The following SLC24A2 variants were observed in gnomAD, a reference collection of about 807,000 sequenced individuals.
SLC24A2 encodes sodium/potassium/calcium exchanger 2.
SLC24A2 carries 36 observed loss-of-function variants against 62.0 expected under a neutral mutation model. The observed-to-expected ratio is 0.58, with a 90% CI of 0.44 to 0.77. The LOEUF is 0.77. Ranked by LOEUF, SLC24A2 falls within the 30% of genes least tolerant of loss-of-function variation. The pLI is 0.00. For synonymous variants in SLC24A2, 358 were observed against 294.0 expected (o/e 1.22, Z -2.23); for missense variants, 846 against 817.9 (o/e 1.03, Z -0.42).
chr9:19,757,877 T>C (rs895277641), intron 2 of SLC24A2, among the ~76,000 whole-genome samples: 2 of 152,030 alleles, frequency 1.3e-5, no homozygotes, highest in African/African-American at 4.8e-5. Context: ...CTCTTGAGAA[T>C]AGATTAGTTC....
chr9:20,195,509 G>C, the SLC24A2 span, among the ~76,000 whole-genome samples: 2 of 152,038 alleles, frequency 1.3e-5, no homozygotes, highest in African/African-American at 4.8e-5. Context: ...TAAATCTTTA[G>C]TCTGTTTTTT....
chr9:20,261,814 A>G, the SLC24A2 span, among the ~76,000 whole-genome samples: 1 of 125,448 alleles, frequency 8.0e-6, no homozygotes, highest in Non-Finnish European at 1.5e-5. Flanking sequence ...ATCTCGGCTC[A>G]CTGCAAGCTC....
At chr9:19,876,760 G>A in the SLC24A2 span, among the ~76,000 whole-genome samples, 1 of 152,044 alleles carries the variant, frequency 6.6e-6, no homozygotes, top group Non-Finnish European at 1.5e-5. Flanking sequence ...GGGACACCTT[G>A]AAACACAAAG....
chr9:20,132,160 G>T, the SLC24A2 span, among the ~76,000 whole-genome samples: 1 of 151,934 alleles, frequency 6.6e-6, no homozygotes, highest in Non-Finnish European at 1.5e-5. Context: ...ACCTACTCCT[G>T]TCTTTAGATC....
the SLC24A2 span, among the ~76,000 whole-genome samples, chr9:20,110,252 T>TA: frequency 0.12 from 17,502 of 152,094 alleles, 1,316 homozygotes; most frequent in Admixed American, 0.24. Flanking sequence ...TTTTAGTTGC[T>TA]ATATTAAAGC....
chr9:19,755,696 ACTT>A (rs1172758142), intron 2 of SLC24A2, among the ~76,000 whole-genome samples: 1 of 152,074 alleles, frequency 6.6e-6, no homozygotes, highest in Non-Finnish European at 1.5e-5. Context: ...GCAAAGCAAC[ACTT>A]CTTAAGTCCA....
At chr9:20,083,602 A>G in the SLC24A2 span, among the ~76,000 whole-genome samples, 1 of 152,242 alleles carries the variant, frequency 6.6e-6, no homozygotes, top group African/African-American at 2.4e-5. Context: ...AGTGTCTGGA[A>G]ATCATTTTAA....
At chr9:20,050,115 TAC>T in the SLC24A2 span, among the ~76,000 whole-genome samples, 1 of 151,876 alleles carries the variant, frequency 6.6e-6, no homozygotes, top group African/African-American at 2.4e-5. Context: ...CCACCAAACA[TAC>T]ACACACAGAG....
Position 19,560,168 on chromosome 9 carries a change from CAG to C in SLC24A2, c.1348-9902_1348-9901del, listed in dbSNP as rs530285385. On this transcript the variant is annotated intron_variant, in intron 7 of 10. Transcript: ENST00000341998. ...TTTCTTCTTTGAAAAGGTATGAAAA[CAG>C]GGAGAGTCTGGAAGAAGAAAAACCG... Among the ~76,000 whole-genome samples the C allele has an allele frequency of 8.3e-4, 127 of 152,250 alleles. 1 individual carries two copies. The highest frequency in any genetic ancestry group is 1.9e-3 in the East Asian group (10 of 5,184).
chr9:19,581,524 G>C (rs929056518), intron 5 of SLC24A2, among the ~76,000 whole-genome samples: 5 of 152,152 alleles, frequency 3.3e-5, no homozygotes, highest in Non-Finnish European at 4.4e-5. Context: ...AGGTCCAATG[G>C]GTTAATACCC....
At chr9:19,953,132 A>T in the SLC24A2 span, among the ~76,000 whole-genome samples, 1 of 151,868 alleles carries the variant, frequency 6.6e-6, no homozygotes, top group Non-Finnish European at 1.5e-5. Context: ...TTCATTCTTG[A>T]CATTGGTAAT....
intron 2 of SLC24A2, among the ~76,000 whole-genome samples, chr9:19,687,640 T>C (rs954777734): frequency 1.3e-5 from 2 of 152,096 alleles, no homozygotes; most frequent in African/African-American, 4.8e-5. Flanking sequence ...AGGACCACTT[T>C]CCTGTTTGGG....
At chr9:20,244,332 C>T in the SLC24A2 span, among the ~76,000 whole-genome samples, 9 of 152,114 alleles carry the variant, frequency 5.9e-5, no homozygotes, top group Admixed American at 2.0e-4. Flanking sequence ...ATGCTCATTT[C>T]AGCATTGTAA....
the SLC24A2 span, among the ~76,000 whole-genome samples, chr9:19,895,321 T>C: frequency 2.6e-5 from 4 of 152,046 alleles, no homozygotes; most frequent in East Asian, 7.7e-4. Context: ...TGAATACATT[T>C]GCTGTCTTCT....
chr9:20,201,064 T>A, the SLC24A2 span, among the ~76,000 whole-genome samples: 1 of 152,202 alleles, frequency 6.6e-6, no homozygotes, highest in East Asian at 1.9e-4. Flanking sequence ...AAGTCCAGAC[T>A]GTAACTCAGC....
At chr9:19,597,113 G>A (rs1022196790) in intron 5 of SLC24A2, 116 bp downstream of exon 5, 3 of 742,900 alleles carry the variant, frequency 4.0e-6, no homozygotes, top group Admixed American at 2.2e-5. Flanking sequence ...AGAATAGTAA[G>A]TCACACAATG....
At chr9:19,733,270 G>C (rs975153461) in intron 2 of SLC24A2, among the ~76,000 whole-genome samples, 1 of 152,074 alleles carries the variant, frequency 6.6e-6, no homozygotes, top group African/African-American at 2.4e-5. Flanking sequence ...ATTTGTGAAT[G>C]CATTTCACAT....
chr9:20,108,828 C>T, the SLC24A2 span, among the ~76,000 whole-genome samples: 1 of 151,906 alleles, frequency 6.6e-6, no homozygotes, highest in Admixed American at 6.6e-5. Flanking sequence ...TGCACATGTT[C>T]CCTAAAGCTT....
the SLC24A2 span, among the ~76,000 whole-genome samples, chr9:20,218,069 A>G: frequency 3.9e-5 from 6 of 152,210 alleles, no homozygotes; most frequent in Admixed American, 6.5e-5. Flanking sequence ...TAGCTTCCAC[A>G]GAGGAGTGCC....
Sources: allele counts gnomAD v4.1 joint callset (sites outside exome capture counted in the v4.1 genomes callset), GRCh38; gene constraint gnomAD v4.1.1; transcripts MANE v1.5; gene names NCBI Gene and HGNC (gene_info 2026-07-23, HGNC 2026-07-21).